GALNT12: variants seen among roughly 807,000 people sequenced by gnomAD.
GALNT12 encodes UDP-GalNAc:polypeptide N-acetylgalactosaminyltransferase 12.
GALNT12 carries 45 observed loss-of-function variants against 55.5 expected under a neutral mutation model. The observed-to-expected ratio is 0.81, with a 90% CI of 0.64 to 1.04. The LOEUF is 1.04. Ranked by LOEUF, GALNT12 falls within the 50% of genes least tolerant of loss-of-function variation. GALNT12 has a pLI of 0.00. For missense variants in GALNT12, 709 were observed against 754.8 expected (o/e 0.94, Z 0.71); for synonymous variants, 304 against 312.2 (o/e 0.97, Z 0.28).
intron 3 of GALNT12, among the ~76,000 whole-genome samples, chr9:98,827,446 G>A (rs942601840): frequency 1.3e-5 from 2 of 152,042 alleles, no homozygotes; most frequent in African/African-American, 2.4e-5. Context: ...AACTCCTGAC[G>A]TCAGGCGTGA....
chr9:98,837,212 C>A, intron 6 of GALNT12, 64 bp downstream of exon 6: 1 of 1,502,476 alleles, frequency 6.7e-7, no homozygotes, highest in Non-Finnish European at 9.3e-7. Context: ...CTAATCGTGG[C>A]TTCCCCAACA....
intron 2 of GALNT12, among the ~76,000 whole-genome samples, chr9:98,823,854 G>A (rs537218021): frequency 6.6e-6 from 1 of 152,320 alleles, no homozygotes; most frequent in East Asian, 1.9e-4. Context: ...GGCTGGGTGA[G>A]GATGGAGGCA....
At chr9:98,818,733 G>A (rs1835671265) in intron 1 of GALNT12, among the ~76,000 whole-genome samples, 1 of 152,154 alleles carries the variant, frequency 6.6e-6, no homozygotes, top group Non-Finnish European at 1.5e-5. Context: ...GTTTGGGTCT[G>A]TCAGACACTT....
chr9:98,810,795 G>A (rs1038040163), intron 1 of GALNT12, among the ~76,000 whole-genome samples: 17 of 152,164 alleles, frequency 1.1e-4, no homozygotes, highest in Non-Finnish European at 1.8e-4. Flanking sequence ...GTGGATTCGA[G>A]TATAGTTTTG....
At chr9:98,820,821 T>A (rs1463951887) in intron 1 of GALNT12, among the ~76,000 whole-genome samples, 1 of 152,240 alleles carries the variant, frequency 6.6e-6, no homozygotes, top group Non-Finnish European at 1.5e-5. Context: ...TCTCTTCTTA[T>A]TGGTTCATTA....
intron 3 of GALNT12, among the ~76,000 whole-genome samples, chr9:98,827,142 G>T (rs1297538113): frequency 3.9e-5 from 6 of 152,214 alleles, no homozygotes; most frequent in African/African-American, 1.4e-4. Flanking sequence ...GCCTGGGAGT[G>T]CCAGCTGGAG....
chr9:98,818,256 TCTGTTGCC>T (rs1172022227), intron 1 of GALNT12, among the ~76,000 whole-genome samples: 3 of 151,916 alleles, frequency 2.0e-5, no homozygotes, highest in South Asian at 2.1e-4. Flanking sequence ...GAAGTCTCGC[TCTGTTGCC>T]CAGTCTGGAG....
intron 1 of GALNT12, among the ~76,000 whole-genome samples, chr9:98,818,427 G>A (rs776876373): frequency 1.3e-5 from 2 of 152,144 alleles, no homozygotes; most frequent in Non-Finnish European, 2.9e-5. Context: ...GTTTCGCCAC[G>A]TTGGTCAGGC....
rs1351680850 is a variant in GALNT12 at position 98,849,981 on chromosome 9, C to T, written c.*889C>T. The T allele has an allele frequency of 4.7e-6, 1 of 213,402 alleles. No homozygotes were observed. 13.2% of individuals were successfully genotyped at this position (213,402 alleles called of 1,614,324 possible). A position where few individuals can be genotyped will look rare whatever the true frequency, so the allele number is the denominator to read the frequency against. On this transcript the variant is annotated 3_prime_UTR_variant, in exon 10 of 10. Coordinates refer to ENST00000375011, the MANE Select transcript of GALNT12 (RefSeq NM_024642.5). ...GCTGCTGCAACTGCTGTGAAAATTTCTCTGAGTAATTCTGATTTGTGAATG... is the reference window on the plus strand; with the variant it reads ...GCTGCTGCAACTGCTGTGAAAATTTTTCTGAGTAATTCTGATTTGTGAATG...
chr9:98,808,539 G>A (rs1029035356), intron 1 of GALNT12, among the ~76,000 whole-genome samples: 1 of 152,246 alleles, frequency 6.6e-6, no homozygotes, highest in Non-Finnish European at 1.5e-5. Context: ...CAGGTGAAGC[G>A]AAAGATGGCT....
chr9:98,807,934 GC>G lies in GALNT12; in HGVS notation c.237del (p.Glu80ArgfsTer63). 11 of 1,340,298 alleles carry G rather than the reference GC, an allele frequency of 8.2e-6. No individual in the cohort carries two copies. Among genetic ancestry groups the G allele is most frequent in the Non-Finnish European group, 1.1e-5 (11 of 1,034,640 alleles). 83.0% of individuals were successfully genotyped at this position (1,340,298 alleles called of 1,614,324 possible). On this transcript the variant is annotated frameshift_variant, in exon 1 of 10. Coordinates refer to ENST00000375011, the MANE Select transcript of GALNT12 (RefSeq NM_024642.5). LOFTEE classifies it high-confidence loss of function. ...CCGGCGAACGCGCTGGGCGCGCGGGGCGAGGCGGTGCGGCTGCAGCTGCAGG... is the reference window on the plus strand; with the variant it reads ...CCGGCGAACGCGCTGGGCGCGCGGGGGAGGCGGTGCGGCTGCAGCTGCAGG... ...PVPANALGAR[G>X]EAVRLQLQGE...
chr9:98,822,274 G>A (rs753755644), intron 1 of GALNT12, among the ~76,000 whole-genome samples: 5 of 152,198 alleles, frequency 3.3e-5, no homozygotes, highest in Non-Finnish European at 5.9e-5. Context: ...TGGTATCCCT[G>A]TGGTTTCACT....
chr9:98,837,343 T>C (rs1181651314), intron 6 of GALNT12, among the ~76,000 whole-genome samples, 195 bp downstream of exon 6: 2 of 152,230 alleles, frequency 1.3e-5, no homozygotes, highest in African/African-American at 4.8e-5. Flanking sequence ...ACAGCTGTTA[T>C]AGTGCATAAA....
chr9:98,844,794 T>A (rs1425726981), intron 8 of GALNT12, among the ~76,000 whole-genome samples: 1 of 152,076 alleles, frequency 6.6e-6, no homozygotes, highest in Non-Finnish European at 1.5e-5. Context: ...GGGCTGTAAT[T>A]CAGGCTGGGC....
intron 4 of GALNT12, 74 bp downstream of exon 4, chr9:98,832,031 C>A: frequency 1.5e-6 from 2 of 1,312,266 alleles, no homozygotes; most frequent in Non-Finnish European, 1.1e-6. Flanking sequence ...TGAGCGGAGG[C>A]CCTCGGGAGG....
Position 98,821,624 on chromosome 9 carries a change from C to CAAA in GALNT12, c.372-1621_372-1619dup, listed in dbSNP as rs11467276. ...TGGGCAACAGAGCGAGACTCCATCTCAAAAAAAAAAAAAGAAAGAAATTTC... is the reference window on the plus strand; with the variant it reads ...TGGGCAACAGAGCGAGACTCCATCTCAAAAAAAAAAAAAAAAGAAAGAAATTTC... On this transcript the variant is annotated intron_variant, in intron 1 of 9. Transcript: ENST00000375011. Among the ~76,000 whole-genome samples the CAAA allele has an allele frequency of 2.7e-5, 3 of 112,064 alleles. 1 individual carries two copies. The highest frequency in any genetic ancestry group is 3.7e-5 in the Non-Finnish European group (2 of 53,474). 73.5% of individuals were successfully genotyped at this position (112,064 alleles called of 152,430 possible).
At chr9:98,842,071 G>GT (rs11322655) in intron 7 of GALNT12, among the ~76,000 whole-genome samples, 107 of 149,538 alleles carry the variant, frequency 7.2e-4, no homozygotes, top group African/African-American at 2.4e-3. Context: ...CTACTGGGTT[G>GT]TTTTTTTTTT....
In GALNT12 at chr9:98,846,130, G is replaced by GAACTCTCT; in HGVS notation, c.1605+8_1605+15dup. 2.5e-6 allele frequency: 4 copies of GAACTCTCT among 1,614,106 alleles called. No homozygotes were observed. Among genetic ancestry groups the GAACTCTCT allele is most frequent in the Non-Finnish European group, 3.4e-6 (4 of 1,179,988 alleles). ...GAAGTTCATCTTGCAGGAGGTAGGT[G>GAACTCTCT]AACTCTCTCCTTCCTTCCTGCTGAC... On this transcript the variant is annotated splice_region_variant and intron_variant, in intron 9 of 9. Transcript: ENST00000375011.
intron 3 of GALNT12, among the ~76,000 whole-genome samples, chr9:98,827,819 T>C (rs1302677223): frequency 6.6e-6 from 1 of 152,218 alleles, no homozygotes; most frequent in African/African-American, 2.4e-5. Flanking sequence ...CTGGTTGTTA[T>C]AGAGGAAGGG....
Sources: allele counts gnomAD v4.1 joint callset (sites outside exome capture counted in the v4.1 genomes callset), GRCh38; gene constraint gnomAD v4.1.1; transcripts MANE v1.5; gene names NCBI Gene and HGNC (gene_info 2026-07-23, HGNC 2026-07-21).